The following PLEKHG4B variants were observed in gnomAD, a reference collection of about 807,000 sequenced individuals.
The protein encoded by PLEKHG4B is pleckstrin homology and RhoGEF domain containing G4B, also known as pleckstrin homology domain-containing family G member 4B.
PLEKHG4B carries 111 observed loss-of-function variants against 121.3 expected under a neutral mutation model. The ratio of observed to expected loss-of-function variants is 0.92; its 90% confidence interval spans 0.78 to 1.07. PLEKHG4B has a LOEUF of 1.07. Ranked by LOEUF, PLEKHG4B falls within the 50% of genes least tolerant of loss-of-function variation. The probability of loss-of-function intolerance (pLI) is 0.00; values close to 1 mark genes in which losing one functional copy is unlikely to be tolerated. For synonymous variants in PLEKHG4B, 738 were observed against 725.0 expected (o/e 1.02, Z -0.29); for missense variants, 1,831 against 1,757.8 (o/e 1.04, Z -0.74).
chr5:140,187 C>G lies in PLEKHG4B; in HGVS notation c.948C>G (p.Asp316Glu). 1 of 1,075,450 alleles carries G rather than the reference C, an allele frequency of 9.3e-7. No individual in the cohort carries two copies. The highest frequency in any genetic ancestry group is 2.7e-5 in the East Asian group (1 of 36,560). 66.6% of individuals were successfully genotyped at this position (1,075,450 alleles called of 1,614,324 possible). A position where few individuals can be genotyped will look rare whatever the true frequency, so the allele number is the denominator to read the frequency against. Residue 316 changes from aspartate to glutamate, a missense_variant, in exon 3 of 20, where the codon GAC becomes GAG. By Grantham distance (45) the Asp-to-Glu change is conservative. Coordinates refer to ENST00000637938, the MANE Select transcript of PLEKHG4B (RefSeq NM_052909.5). Reference sequence around the variant, plus strand: ...CGGGGGAGAGGCCGGACCCCATGGACCAGGAGGACAGACCCAAGGCCCTCA... The same window carrying G: ...CGGGGGAGAGGCCGGACCCCATGGAGCAGGAGGACAGACCCAAGGCCCTCA... ...GGSGERPDPM[D>E]QEDRPKALTF...
intron 5 of PLEKHG4B, 52 bp from the exon 6 acceptor site, chr5:144,775 T>C (rs936918212): frequency 6.6e-7 from 1 of 1,504,178 alleles, no homozygotes; most frequent in Non-Finnish European, 9.2e-7. Context: ...AACTCGTTCT[T>C]GTAAGAGATT....
chr5:134,763 C>T (rs1364130296), intron 2 of PLEKHG4B, among the ~76,000 whole-genome samples: 5 of 116,070 alleles, frequency 4.3e-5, no homozygotes, highest in Non-Finnish European at 8.7e-5. Context: ...GAGACTCTGT[C>T]TCAAAAAAAA....
rs867176777 is a variant in PLEKHG4B at position 162,995 on chromosome 5, C to G, written c.2923C>G (p.Pro975Ala). The change falls in exon 13 of 20, where the codon CCA (proline) becomes GCA (alanine). Residue 975 changes from proline to alanine, a missense_variant. Pro to Ala is a conservative substitution (Grantham distance 27). Coordinates refer to ENST00000637938, the MANE Select transcript of PLEKHG4B (RefSeq NM_052909.5). ...CTTACCGCCCCTTGCCCAGAGCCCC[C>G]CAAAGCATGAGCGTGCCCAGGAGGC... Reference protein sequence around the residue: ...PSLPPLAQSPPKHERAQEAMR... With the variant: ...PSLPPLAQSPAKHERAQEAMR... 2.6e-6 allele frequency: 4 copies of G among 1,567,418 alleles called. No individual in the cohort carries two copies. In the South Asian group the frequency reaches 3.5e-5, roughly 14 times the overall value.
Position 188,137 on chromosome 5 carries a change from G to A in PLEKHG4B, c.*5814G>A, listed in dbSNP as rs193235331. The A allele has an allele frequency of 9.3e-3, 1,419 of 152,624 alleles. 11 individuals carry two copies. The highest frequency in any genetic ancestry group is 0.013 in the Non-Finnish European group (859 of 68,280). 9.5% of individuals were successfully genotyped at this position (152,624 alleles called of 1,614,324 possible). A position where few individuals can be genotyped will look rare whatever the true frequency, so the allele number is the denominator to read the frequency against. On this transcript the variant is annotated 3_prime_UTR_variant, in exon 20 of 20. Transcript: ENST00000637938. ...GCCAACCAGAGGTCCTGGGGCTGGCGGCGCTGGTGTGCCTGCCCTGGGCCT... is the reference window on the plus strand; with the variant it reads ...GCCAACCAGAGGTCCTGGGGCTGGCAGCGCTGGTGTGCCTGCCCTGGGCCT...
At position 182,217 on chromosome 5, in the gene PLEKHG4B, C is replaced by T; in HGVS notation, c.4778C>T (p.Ala1593Val). 5 of 1,613,874 alleles carry T rather than the reference C, an allele frequency of 3.1e-6. No individual in the cohort carries two copies. The highest frequency in any genetic ancestry group is 3.4e-6 in the Non-Finnish European group (4 of 1,180,036). Residue 1593 changes from alanine to valine, a missense_variant, in exon 20 of 20, where the codon GCC becomes GTC. Ala to Val is a moderately conservative substitution (Grantham distance 64). Coordinates refer to ENST00000637938, the MANE Select transcript of PLEKHG4B (RefSeq NM_052909.5). ...AHSPWSSDIRACVEEDEPEPE... is the reference protein window; with the variant it reads ...AHSPWSSDIRVCVEEDEPEPE... ...AGCCCCTGGTCATCTGATATCAGAG[C>T]CTGCGTCGAGGAAGATGAGCCAGAG... is the stretch of plus-strand genomic sequence containing the variant.
At position 132,824 on chromosome 5, in the gene PLEKHG4B, T is replaced by G. The variant is rs369709570; in HGVS notation, c.244-6659T>G. Among the ~76,000 whole-genome samples the G allele has an allele frequency of 2.6e-5, 4 of 152,338 alleles. No individual in the cohort carries two copies. The East Asian group carries it at 7.7e-4, about 29-fold the overall frequency. ...TATAGTATAGTTTGAAGTCGGGTGA[T>G]GTGATGCCTCCAGATTTGTTCTTTT... On this transcript the variant is annotated intron_variant, in intron 2 of 19. Transcript: ENST00000637938.
chr5:160,377 A>C (rs1325828208), intron 11 of PLEKHG4B, among the ~76,000 whole-genome samples: 2 of 152,220 alleles, frequency 1.3e-5, no homozygotes, highest in Non-Finnish European at 2.9e-5. Flanking sequence ...GGCTGCGGTC[A>C]GACCATTTGT....
At chr5:121,116 G>A (rs55759758) in intron 2 of PLEKHG4B, among the ~76,000 whole-genome samples, 4,040 of 151,964 alleles carry the variant, frequency 0.027, 180 homozygotes, top group African/African-American at 0.091. Context: ...TCATGGTGGC[G>A]GGTGCCTGTA....
In PLEKHG4B at chr5:143,086, G is replaced by C; in HGVS notation, c.1517G>C (p.Gly506Ala). The change falls in exon 4 of 20, where the codon GGC (glycine) becomes GCC (alanine). Residue 506 changes from glycine (G) to alanine (A), a missense_variant. By Grantham distance (60) the Gly-to-Ala change is moderately conservative. Coordinates refer to ENST00000637938, the MANE Select transcript of PLEKHG4B (RefSeq NM_052909.5). ...TCAGCCTGTGTCAGCACAGACGGCG[G>C]CAGCCTCCATTGCCACAACCCCAGC... ...ASSACVSTDG[G>A]SLHCHNPSGP... 1 of 1,613,134 alleles carries C rather than the reference G, an allele frequency of 6.2e-7. No individual in the cohort carries two copies. Among genetic ancestry groups the C allele is most frequent in the Non-Finnish European group, 8.5e-7 (1 of 1,180,006 alleles).
intron 18 of PLEKHG4B, chr5:179,796 CTA>C (rs776932615): frequency 6.6e-6 from 1 of 152,472 alleles, no homozygotes; most frequent in Middle Eastern, 3.4e-3. Flanking sequence ...CGTGTGATTT[CTA>C]TGTTTCGATC....
chr5:182,329 G>A lies in PLEKHG4B; in HGVS notation c.*6G>A, dbSNP rs755504840. 6.3e-7 allele frequency: 1 copy of A among 1,586,680 alleles called. No homozygotes were observed. Among genetic ancestry groups the A allele is most frequent in the Non-Finnish European group, 8.6e-7 (1 of 1,167,852 alleles). Reference sequence around the variant, plus strand: ...GCCGCACACGCCAGGCCTGATGACTGTCAGGGTGGCAGTGCCCATCATGTG... The same window carrying A: ...GCCGCACACGCCAGGCCTGATGACTATCAGGGTGGCAGTGCCCATCATGTG... On this transcript the variant is annotated 3_prime_UTR_variant, in exon 20 of 20. Transcript: ENST00000637938.
At position 137,782 on chromosome 5, in the gene PLEKHG4B, T is replaced by C. The variant is rs575876511; in HGVS notation, c.244-1701T>C. Among the ~76,000 whole-genome samples, 126 of 152,326 alleles carry C rather than the reference T, an allele frequency of 8.3e-4. No homozygotes were observed. The highest frequency in any genetic ancestry group is 3.4e-3 in the Middle Eastern group (1 of 294). On this transcript the variant is annotated intron_variant, in intron 2 of 19. Coordinates refer to ENST00000637938, the MANE Select transcript of PLEKHG4B (RefSeq NM_052909.5). The surrounding 1 kb of genome is among the most constrained non-coding windows in gnomAD (Gnocchi z 4.2). ...GCCCTGGGCACCAATATGGCTGTGCTGGGCAATAGGATCGGGGACGGACTC... is the reference window on the plus strand; with the variant it reads ...GCCCTGGGCACCAATATGGCTGTGCCGGGCAATAGGATCGGGGACGGACTC...
At position 156,875 on chromosome 5, in the gene PLEKHG4B, C is replaced by T. The variant is rs760609325; in HGVS notation, c.2451C>T (p.Leu817=). The change falls in exon 11 of 20, where the codon CTC becomes CTT. Residue 817 remains leucine, a synonymous_variant. Coordinates refer to ENST00000637938, the MANE Select transcript of PLEKHG4B (RefSeq NM_052909.5). This position sits in a 1 kb window ranked among gnomAD's most constrained non-coding sequence, Gnocchi z 4.4. ...ATCGTCTCCAGCAGCTGGAGCACCT[C>T]CGGGAGCTGGCGTCACTCCTGGAAG... ...SNNRLQQLEH[L]RELASLLEGN... 25 of 1,611,078 alleles carry T rather than the reference C, an allele frequency of 1.6e-5. No homozygotes were observed. The highest frequency in any genetic ancestry group is 2.1e-5 in the Non-Finnish European group (25 of 1,179,096).
intron 2 of PLEKHG4B, among the ~76,000 whole-genome samples, chr5:134,553 G>A (rs1239364025): frequency 6.6e-6 from 1 of 151,426 alleles, no homozygotes; most frequent in Non-Finnish European, 1.5e-5. Flanking sequence ...ATCACTTGAG[G>A]TCAGGAGTTC....
intron 2 of PLEKHG4B, among the ~76,000 whole-genome samples, chr5:135,813 G>C (rs950363158): frequency 4.9e-5 from 7 of 143,460 alleles, no homozygotes; most frequent in Admixed American, 1.4e-4. Context: ...AAATAGAAAA[G>C]CCCATCTTAA....
chr5:140,893 G>A (rs1458226691), intron 3 of PLEKHG4B, among the ~76,000 whole-genome samples, 177 bp downstream of exon 3: 2 of 35,150 alleles, frequency 5.7e-5, no homozygotes, highest in East Asian at 1.0e-3. Flanking sequence ...CACCCCTTCC[G>A]CTGCACACCA....
intron 18 of PLEKHG4B, 22 bp from the exon 19 acceptor site, chr5:181,490 CTG>C (rs762878376): frequency 6.2e-7 from 1 of 1,607,526 alleles, no homozygotes; most frequent in South Asian, 1.1e-5. Flanking sequence ...GCTTTGGAAA[CTG>C]TCATACTTTC....
At chr5:129,788 A>G (rs1734725115) in intron 2 of PLEKHG4B, among the ~76,000 whole-genome samples, 1 of 152,208 alleles carries the variant, frequency 6.6e-6, no homozygotes, top group South Asian at 2.1e-4. Context: ...TAAAGCTAAA[A>G]TAAAATATTT....
chr5:137,256 G>A lies in PLEKHG4B; in HGVS notation c.244-2227G>A, dbSNP rs577598219. Among the ~76,000 whole-genome samples, 1 of 152,202 alleles carries A rather than the reference G, an allele frequency of 6.6e-6. No homozygotes were observed. The highest frequency in any genetic ancestry group is 1.9e-4 in the East Asian group (1 of 5,194). ...AATGGTGGGTGCCAGGGGCTCAGGG[G>A]CAGGGGAATGGTGAGCTGGTGTTTA... On this transcript the variant is annotated intron_variant, in intron 2 of 19. Coordinates refer to ENST00000637938, the MANE Select transcript of PLEKHG4B (RefSeq NM_052909.5). This position sits in a 1 kb window ranked among gnomAD's most constrained non-coding sequence, Gnocchi z 4.2.
Sources: allele counts gnomAD v4.1 joint callset (sites outside exome capture counted in the v4.1 genomes callset), GRCh38; gene constraint gnomAD v4.1.1; non-coding constraint Gnocchi (gnomAD v3.1); transcripts MANE v1.5; gene names NCBI Gene and HGNC (gene_info 2026-07-23, HGNC 2026-07-21).